JAK1: variants seen among roughly 807,000 people sequenced by gnomAD.
JAK1 encodes Janus kinase 1.
In JAK1, 16 loss-of-function variants were observed where a neutral mutation model predicts 136.6. The ratio of observed to expected loss-of-function variants is 0.12; its 90% CI spans 0.08 to 0.18. JAK1 has a LOEUF of 0.18. Ranked by LOEUF, JAK1 falls within the 10% of genes least tolerant of loss-of-function variation. The pLI, the probability that JAK1 is intolerant of heterozygous loss-of-function variation, is 1.00. For synonymous variants in JAK1, 492 were observed against 519.5 expected (o/e 0.95, Z 0.72); for missense variants, 859 against 1,450.1 (o/e 0.59, Z 6.62).
At position 64,844,271 on chromosome 1, in the gene JAK1, A is replaced by G. The variant is rs937188919; in HGVS notation, c.2252-56T>C. Reference sequence around the variant, plus strand: ...GTTTCTGGGATCTCCTAGGGATTCAATTACTGTCACTGCAGCCAGAACAGT... The same window carrying G: ...GTTTCTGGGATCTCCTAGGGATTCAGTTACTGTCACTGCAGCCAGAACAGT... On this transcript the variant is annotated intron_variant, in intron 16 of 24. Coordinates refer to ENST00000342505, the MANE Select transcript of JAK1 (RefSeq NM_002227.4). The surrounding 1 kb of genome is among the most constrained non-coding windows in gnomAD (Gnocchi z 5.7). 13 of 1,601,446 alleles carry G rather than the reference A, an allele frequency of 8.1e-6. No individual in the cohort carries two copies. In the African/African-American group the frequency reaches 1.7e-4, roughly 21 times the overall value.
intron 5 of JAK1, among the ~76,000 whole-genome samples, chr1:64,870,148 G>A (rs17127114): frequency 0.14 from 21,119 of 152,046 alleles, 1,656 homozygotes; most frequent in East Asian, 0.29. Context: ...TTCCAGTGCC[G>A]GCTCCCACTG....
At chr1:64,950,994 C>G (rs1192613630) in intron 1 of JAK1, among the ~76,000 whole-genome samples, 1 of 152,146 alleles carries the variant, frequency 6.6e-6, no homozygotes, top group Non-Finnish European at 1.5e-5. Context: ...AAAAGTATTA[C>G]AAGATTTTAT....
chr1:64,837,016 G>A (rs1248168700), intron 22 of JAK1, among the ~76,000 whole-genome samples: 2 of 152,108 alleles, frequency 1.3e-5, no homozygotes, highest in African/African-American at 4.8e-5. Context: ...CTGGGAAATC[G>A]ACTGCTCTTG....
intron 1 of JAK1, among the ~76,000 whole-genome samples, chr1:64,962,799 G>A (rs1206338023): frequency 1.3e-5 from 2 of 152,168 alleles, no homozygotes; most frequent in Non-Finnish European, 2.9e-5. Flanking sequence ...CAGGCGCGGT[G>A]GCTCACGCCT....
intron 1 of JAK1, among the ~76,000 whole-genome samples, chr1:65,065,033 C>T (rs781615167): frequency 2.0e-5 from 3 of 152,204 alleles, no homozygotes; most frequent in Non-Finnish European, 4.4e-5. Flanking sequence ...ACTATACAGT[C>T]TTCTCTCCCT....
At chr1:64,913,705 A>AAAGAAGGG (rs1553168174) in intron 1 of JAK1, among the ~76,000 whole-genome samples, 3 of 35,718 alleles carry the variant, frequency 8.4e-5, no homozygotes, top group South Asian at 1.6e-3. Context: ...GGAAGGAAAG[A>AAAGAAGGG]AGGGAGGGAG....
chr1:64,940,656 G>A (rs1023580449), intron 1 of JAK1, among the ~76,000 whole-genome samples: 1 of 152,070 alleles, frequency 6.6e-6, no homozygotes, highest in African/African-American at 2.4e-5. Context: ...ATGAGGTTAA[G>A]ACGGGTTTAC....
intron 2 of JAK1, among the ~76,000 whole-genome samples, chr1:64,976,914 G>T (rs960437568): frequency 1.2e-4 from 19 of 152,086 alleles, no homozygotes; most frequent in African/African-American, 4.6e-4. Flanking sequence ...GTATTAGATC[G>T]TGTGTCTTGA....
chr1:64,865,989 G>A (rs1338479808), intron 7 of JAK1, among the ~76,000 whole-genome samples: 5 of 152,072 alleles, frequency 3.3e-5, no homozygotes, highest in Non-Finnish European at 7.4e-5. Flanking sequence ...CAAACTCCTC[G>A]GCTCAAGTGA....
intron 1 of JAK1, among the ~76,000 whole-genome samples, chr1:64,911,489 A>G (rs1454288713): frequency 6.6e-6 from 1 of 152,258 alleles, no homozygotes; most frequent in Non-Finnish European, 1.5e-5. Context: ...ATAGAGGCCA[A>G]TAACATTGTC....
chr1:65,040,550 G>A (rs570998861), intron 2 of JAK1, among the ~76,000 whole-genome samples: 5 of 151,958 alleles, frequency 3.3e-5, no homozygotes, highest in Non-Finnish European at 7.4e-5. Flanking sequence ...TTAACATAAC[G>A]TGTTCTCAGG....
rs535223730 is a variant in JAK1, at chr1:64,838,961, C to A, written c.2843-372G>T. Among the ~76,000 whole-genome samples the A allele has an allele frequency of 2.7e-5, 4 of 150,904 alleles. No homozygotes were observed. In the South Asian group the frequency reaches 6.3e-4, roughly 24 times the overall value. Reference sequence around the variant, plus strand: ...GAGATCGAGACCATCCTGGCTAACACGGTGAAACCCCGTCTCTACTAAAAA... The same window carrying A: ...GAGATCGAGACCATCCTGGCTAACAAGGTGAAACCCCGTCTCTACTAAAAA... On this transcript the variant is annotated intron_variant, in intron 20 of 24. Transcript: ENST00000342505.
intron 22 of JAK1, 87 bp from the exon 23 acceptor site, chr1:64,836,302 G>A (rs1340956746): frequency 2.3e-5 from 18 of 773,086 alleles, no homozygotes; most frequent in Non-Finnish European, 3.2e-5. Flanking sequence ...TCACCTCTTC[G>A]GTTTTTCTTA....
chr1:64,953,644 A>C (rs1319437150), intron 1 of JAK1, among the ~76,000 whole-genome samples: 1 of 152,088 alleles, frequency 6.6e-6, no homozygotes, highest in Non-Finnish European at 1.5e-5. Context: ...CTGCCCCAAA[A>C]CCTAAAAAAC....
chr1:64,860,415 CATGCATTTATTTATTT>C (rs149087655), intron 8 of JAK1, among the ~76,000 whole-genome samples, 153 bp from the exon 9 acceptor site: 17,484 of 128,326 alleles, frequency 0.14, 1,307 homozygotes, highest in East Asian at 0.34. Flanking sequence ...ATACCCCTTG[CATGCATTTATTTATTT>C]ATTTATTTAT....
At chr1:64,967,315 A>G (rs1302636715), upstream of JAK1, among the ~76,000 whole-genome samples, 3 of 152,172 alleles carry the variant, frequency 2.0e-5, no homozygotes, top group East Asian at 1.9e-4. Flanking sequence ...TCACTTGTCT[A>G]TGTTCCGGCA....
intron 10 of JAK1, 107 bp downstream of exon 10, chr1:64,857,549 C>T: frequency 6.9e-7 from 1 of 1,453,684 alleles, no homozygotes; most frequent in Non-Finnish European, 9.3e-7. Flanking sequence ...CCAGGCTTTT[C>T]AGTTCCACCC....
At chr1:64,910,729 A>T (rs1383262062) in intron 1 of JAK1, among the ~76,000 whole-genome samples, 1 of 151,576 alleles carries the variant, frequency 6.6e-6, no homozygotes, top group Non-Finnish European at 1.5e-5. Context: ...AGCTACTGAG[A>T]TTACAGTAGG....
Position 65,007,706 on chromosome 1 carries a change from G to A in JAK1, c.-78+36774C>T, listed in dbSNP as rs185617888. Among the ~76,000 whole-genome samples, 508 of 149,750 alleles carry A rather than the reference G, an allele frequency of 3.4e-3. 3 individuals carry two copies. The highest frequency in any genetic ancestry group is 0.011 in the Middle Eastern group (3 of 280). On this transcript the variant is annotated intron_variant, in intron 2 of 25. Coordinates refer to the JAK1 transcript ENST00000671954. ...TCGAACTCCTGACCTCAGGTGATCC[G>A]CCCACCTCGGCCTCCTAAAGTGCTG...
Sources: gnomAD v4.1 joint callset for allele counts (sites outside exome capture counted in the v4.1 genomes callset) on GRCh38, gnomAD v4.1.1 for gene constraint, Gnocchi (gnomAD v3.1) non-coding constraint, MANE v1.5 for transcripts, NCBI Gene and HGNC (gene_info 2026-07-23, HGNC 2026-07-21) for gene names.